The following RAB3C variants were observed in gnomAD, a reference collection of about 807,000 sequenced individuals.
The protein encoded by RAB3C is ras-related protein Rab-3C.
In RAB3C, 17 loss-of-function variants were observed where a neutral mutation model predicts 26.4. The observed-to-expected ratio is 0.64, with a 90% CI of 0.44 to 0.97. RAB3C has a LOEUF of 0.97. Ranked by LOEUF, RAB3C falls within the 50% of genes least tolerant of loss-of-function variation. The pLI is 0.00. For synonymous variants in RAB3C, 91 were observed against 95.9 expected, an observed-to-expected ratio of 0.95 and a Z score of 0.30; for missense variants, 242 against 281.9, an observed-to-expected ratio of 0.86 and a Z score of 1.01.
intron 1 of RAB3C, among the ~76,000 whole-genome samples, chr5:58,596,742 A>C (rs1229760465): frequency 1.1e-5 from 1 of 94,770 alleles, no homozygotes; most frequent in Admixed American, 1.7e-4. Context: ...ATATATAAAT[A>C]TATAATACAT....
intron 2 of RAB3C, among the ~76,000 whole-genome samples, chr5:58,649,002 A>G (rs965795): frequency 0.55 from 83,021 of 152,008 alleles, 24,330 homozygotes; most frequent in African/African-American, 0.77. Flanking sequence ...TATAAACCAA[A>G]CATCAGTTTC....
chr5:58,804,885 G>T (rs112209766), intron 3 of RAB3C, among the ~76,000 whole-genome samples: 117 of 151,736 alleles, frequency 7.7e-4, no homozygotes, highest in African/African-American at 2.7e-3. Context: ...ATGTTTTTGT[G>T]TGGTCACTTT....
intron 2 of RAB3C, among the ~76,000 whole-genome samples, chr5:58,682,709 A>G (rs949496692): frequency 6.6e-6 from 1 of 152,010 alleles, no homozygotes; most frequent in Non-Finnish European, 1.5e-5. Flanking sequence ...AAAAAAAAAA[A>G]AAGACAGTTT....
At chr5:58,676,415 A>G (rs989607180) in intron 2 of RAB3C, among the ~76,000 whole-genome samples, 22 of 152,120 alleles carry the variant, frequency 1.4e-4, no homozygotes, top group African/African-American at 5.1e-4. Flanking sequence ...AGGCAGGAGA[A>G]TCGCTTGAAC....
chr5:58,728,325 C>A (rs1359885342), intron 3 of RAB3C, among the ~76,000 whole-genome samples: 1 of 152,038 alleles, frequency 6.6e-6, no homozygotes, highest in East Asian at 1.9e-4. Context: ...TGAGCACTGT[C>A]TTTTATTTCT....
chr5:58,842,287 G>GA (rs1743892499), intron 4 of RAB3C, among the ~76,000 whole-genome samples: 1 of 152,204 alleles, frequency 6.6e-6, no homozygotes, highest in African/African-American at 2.4e-5. Context: ...GTTCTCACCA[G>GA]AAAATCGTTT....
intron 3 of RAB3C, among the ~76,000 whole-genome samples, chr5:58,803,263 C>A (rs1417194704): frequency 6.6e-6 from 1 of 152,212 alleles, no homozygotes; most frequent in East Asian, 1.9e-4. Context: ...TGGCAAGCTC[C>A]ATTTCTGGGA....
At chr5:58,841,178 C>T (rs1376497293) in intron 4 of RAB3C, among the ~76,000 whole-genome samples, 1 of 152,174 alleles carries the variant, frequency 6.6e-6, no homozygotes, top group Non-Finnish European at 1.5e-5. Flanking sequence ...ACTTTGCTGG[C>T]CAGGGGCAGA....
chr5:58,730,631 T>TC (rs1740992778), intron 3 of RAB3C, among the ~76,000 whole-genome samples: 1 of 152,038 alleles, frequency 6.6e-6, no homozygotes, highest in African/African-American at 2.4e-5. Flanking sequence ...CAGCTACTCT[T>TC]CCCAACAAAA....
chr5:58,676,597 C>T (rs191154128), intron 2 of RAB3C, among the ~76,000 whole-genome samples: 188 of 152,092 alleles, frequency 1.2e-3, no homozygotes, highest in African/African-American at 3.8e-3. Context: ...ACTGGAGGTG[C>T]GGGGTGGTAG....
At chr5:58,622,362 C>T (rs1746957607) in intron 2 of RAB3C, among the ~76,000 whole-genome samples, 1 of 152,046 alleles carries the variant, frequency 6.6e-6, no homozygotes, top group South Asian at 2.1e-4. Context: ...CTGGCTAATC[C>T]TGGGAGGGTC....
At chr5:58,765,301 A>T (rs1468035326) in intron 3 of RAB3C, among the ~76,000 whole-genome samples, 5 of 151,860 alleles carry the variant, frequency 3.3e-5, no homozygotes, top group African/African-American at 1.2e-4. Context: ...TTCCATTTTC[A>T]CCTCCCTCAG....
chr5:58,704,355 T>A (rs1748904302), intron 2 of RAB3C, among the ~76,000 whole-genome samples: 1 of 152,194 alleles, frequency 6.6e-6, no homozygotes, highest in South Asian at 2.1e-4. Context: ...TGGTTCATAA[T>A]GCTCAAGTTT....
chr5:58,697,425 G>A (rs186143657), intron 2 of RAB3C, among the ~76,000 whole-genome samples: 1 of 152,290 alleles, frequency 6.6e-6, no homozygotes, highest in African/African-American at 2.4e-5. Flanking sequence ...GAGTTTTGTA[G>A]ATGTCTATTA....
At chr5:58,582,906 G>T (rs1387498914), upstream of RAB3C, 10 of 529,696 alleles carry the variant, frequency 1.9e-5, no homozygotes, top group Non-Finnish European at 3.0e-5. Context: ...CTCCGCGGCC[G>T]AGCCCGACTG....
chr5:58,760,494 T>C (rs1265182862), intron 3 of RAB3C, among the ~76,000 whole-genome samples: 1 of 152,190 alleles, frequency 6.6e-6, no homozygotes, highest in Non-Finnish European at 1.5e-5. Context: ...GGCGGCTCAC[T>C]GTAAGCCTCA....
rs766469195 is a variant in RAB3C at position 58,825,077 on chromosome 5, A to G, written c.411A>G (p.Gln137=). 3 of 1,613,490 alleles carry G rather than the reference A, an allele frequency of 1.9e-6. No homozygotes were observed. Among genetic ancestry groups the G allele is most frequent in the South Asian group, 1.1e-5 (1 of 91,042 alleles). Residue 137 remains glutamine (Q), a synonymous_variant, in exon 4 of 5, where the codon CAA becomes CAG. Transcript: ENST00000282878. Reference sequence around the variant, plus strand: ...AAACATACTCTTGGGACAATGCCCAAGTTATTCTGGTTGGGAACAAGTGTG... The same window carrying G: ...AAACATACTCTTGGGACAATGCCCAGGTTATTCTGGTTGGGAACAAGTGTG... ...QIKTYSWDNA[Q]VILVGNKCDM...
chr5:58,657,814 A>G (rs1281318105), intron 2 of RAB3C, among the ~76,000 whole-genome samples: 1 of 145,290 alleles, frequency 6.9e-6, no homozygotes, highest in Admixed American at 7.4e-5. Flanking sequence ...TATCCCCCCT[A>G]AAACTGCTGT....
chr5:58,636,022 G>A (rs1246481749), intron 2 of RAB3C, among the ~76,000 whole-genome samples: 2 of 152,168 alleles, frequency 1.3e-5, no homozygotes, highest in African/African-American at 4.8e-5. Flanking sequence ...GGGCCAAAGA[G>A]AATATAGTAT....
Sources: allele counts gnomAD v4.1 joint callset (sites outside exome capture counted in the v4.1 genomes callset), GRCh38; gene constraint gnomAD v4.1.1; transcripts MANE v1.5; gene names NCBI Gene and HGNC (gene_info 2026-07-23, HGNC 2026-07-21).